Variants in ZNF398 observed in about 807,000 individuals in gnomAD.
ZNF398 encodes zinc finger DNA binding protein ZER6.
In ZNF398, 18 loss-of-function variants were observed where a neutral mutation model predicts 41.9. That is an observed-to-expected ratio of 0.43 (90% CI 0.30 to 0.64). ZNF398 has a LOEUF of 0.64. ZNF398 is among the 30% of genes least tolerant of loss of function. The pLI is 0.14. For missense variants in ZNF398, 669 were observed against 822.8 expected, an observed-to-expected ratio of 0.81 and a Z score of 2.29; for synonymous variants, 260 against 308.8, an observed-to-expected ratio of 0.84 and a Z score of 1.66.
chr7:149,148,796 G>T (rs1377130560), intron 1 of ZNF398, among the ~76,000 whole-genome samples: 1 of 148,558 alleles, frequency 6.7e-6, no homozygotes, highest in Non-Finnish European at 1.5e-5. Context: ...CTTTAAATGC[G>T]GCCCAACACA....
In ZNF398 at chr7:149,179,673, T is replaced by A; in HGVS notation, c.1801T>A (p.Ser601Thr). Residue 601 changes from serine to threonine, a missense_variant, in exon 6 of 6, where the codon TCA becomes ACA. Ser to Thr is a moderately conservative substitution (Grantham distance 58). This residue lies in a region of ZNF398 where 210 missense variants were observed against 290.4 expected (regional missense o/e 0.72). Coordinates refer to ENST00000475153, the MANE Select transcript of ZNF398 (RefSeq NM_170686.3). The surrounding 1 kb of genome is among the most constrained non-coding windows in gnomAD (Gnocchi z 6.1). ...AGGCTGTGGGGGTGATAGTGACCCA[T>A]CAGGTCAGCCACCCAACCCACCAGG... ...NGGCGGDSDPSGQPPNPPGPL... is the reference protein window; with the variant it reads ...NGGCGGDSDPTGQPPNPPGPL... 6.2e-7 allele frequency: 1 copy of A among 1,614,188 alleles called. No homozygotes were observed. Among genetic ancestry groups the A allele is most frequent in the Non-Finnish European group, 8.5e-7 (1 of 1,180,038 alleles).
chr7:149,142,904 A>G (rs1826858065), upstream of ZNF398, among the ~76,000 whole-genome samples: 1 of 152,202 alleles, frequency 6.6e-6, no homozygotes, highest in African/African-American at 2.4e-5. Flanking sequence ...AGTAAAGGCT[A>G]TGAGCACAAG....
In ZNF398 at chr7:149,182,297, C is replaced by T. The variant is rs998548295; in HGVS notation, c.*2496C>T. 3.9e-5 allele frequency: 6 copies of T among 152,192 alleles called. No homozygotes were observed. The highest frequency in any genetic ancestry group is 1.3e-4 in the Admixed American group (2 of 15,264). The allele number at this position is 152,192 out of a possible 1,614,324, so 9.4% of individuals were successfully genotyped here. A position where few individuals can be genotyped will look rare whatever the true frequency, so the allele number is the denominator to read the frequency against. On this transcript the variant is annotated 3_prime_UTR_variant, in exon 6 of 6. Coordinates refer to ENST00000475153, the MANE Select transcript of ZNF398 (RefSeq NM_170686.3). ...CATCCCAGAGAGACGGAAGCAGGTG[C>T]GATACTAAGCCTCAGCCCAAGAATA...
At chr7:149,178,529 G>A in intron 5 of ZNF398, 119 bp from the exon 6 acceptor site, 1 of 789,974 alleles carries the variant, frequency 1.3e-6, no homozygotes, top group Non-Finnish European at 2.1e-6. Context: ...TATTATTGCA[G>A]CCTTCTGCTG....
At chr7:149,155,443 C>T (rs142539901) in intron 2 of ZNF398, among the ~76,000 whole-genome samples, 45 of 152,094 alleles carry the variant, frequency 3.0e-4, no homozygotes, top group Admixed American at 9.2e-4. Flanking sequence ...AAAGAAGAAT[C>T]ACCTGGTAGG....
chr7:149,155,730 A>ATTTTTTT (rs148643688), intron 2 of ZNF398, among the ~76,000 whole-genome samples: 2 of 92,392 alleles, frequency 2.2e-5, no homozygotes, highest in African/African-American at 8.5e-5. Context: ...TTTTTTTTTT[A>ATTTTTTT]ATTTTTTTTT....
rs116863926 is a variant in ZNF398 at position 149,179,644 on chromosome 7, A to G, written c.1772A>G (p.Asn591Ser). The G allele has an allele frequency of 6.1e-5, 99 of 1,614,188 alleles. No homozygotes were observed. Among genetic ancestry groups the G allele is most frequent in the Middle Eastern group, 3.3e-4 (2 of 6,062 alleles). The change falls in exon 6 of 6, where the codon AAT becomes AGT. Residue 591 changes from asparagine to serine, a missense_variant. Physicochemically the swap from Asn to Ser is conservative, Grantham distance 46. This residue lies in a region of ZNF398 where 210 missense variants were observed against 290.4 expected (regional missense o/e 0.72). Transcript: ENST00000475153. The surrounding 1 kb of genome is among the most constrained non-coding windows in gnomAD (Gnocchi z 6.1). Reference protein sequence around the residue: ...TLKDHLRSGHNGGCGGDSDPS... With the variant: ...TLKDHLRSGHSGGCGGDSDPS... The stretch of plus-strand genomic sequence containing the variant: ...AAGGACCACCTCCGTTCAGGCCACA[A>G]TGGAGGCTGTGGGGGTGATAGTGAC...
At chr7:149,168,185 TCTCTGG>T (rs1299301672) in intron 4 of ZNF398, among the ~76,000 whole-genome samples, 3 of 151,884 alleles carry the variant, frequency 2.0e-5, no homozygotes, top group African/African-American at 7.3e-5. Flanking sequence ...TTAAAGTGAT[TCTCTGG>T]CTCAGCCTCC....
chr7:149,159,012 C>T (rs1795042417), intron 2 of ZNF398, among the ~76,000 whole-genome samples: 2 of 150,614 alleles, frequency 1.3e-5, no homozygotes, highest in South Asian at 4.2e-4. Context: ...ATGGAGTCTC[C>T]CTCTTGCTCA....
intron 1 of ZNF398, chr7:149,148,188 G>A (rs1827008044): frequency 5.6e-6 from 1 of 178,526 alleles, no homozygotes. Flanking sequence ...TTAAGTGTGC[G>A]GAGGCGCATT....
upstream of ZNF398, among the ~76,000 whole-genome samples, chr7:149,143,681 G>A (rs943244120): frequency 1.3e-5 from 2 of 152,090 alleles, no homozygotes; most frequent in African/African-American, 4.8e-5. Context: ...CCATGGTGGC[G>A]CATGCCTGTA....
At chr7:149,164,082 A>T (rs534848207) in intron 2 of ZNF398, among the ~76,000 whole-genome samples, 3 of 151,998 alleles carry the variant, frequency 2.0e-5, no homozygotes, top group Admixed American at 6.6e-5. Flanking sequence ...ACTGCACTCC[A>T]GCCTGGGTGA....
At chr7:149,130,913 G>A (rs1324870746) in intron 2 of ZNF398, among the ~76,000 whole-genome samples, 1 of 152,148 alleles carries the variant, frequency 6.6e-6, no homozygotes, top group Non-Finnish European at 1.5e-5. Context: ...AACATGAATT[G>A]GTTAGGGGTA....
At chr7:149,146,173 A>C (rs1205806242), upstream of ZNF398, among the ~76,000 whole-genome samples, 1 of 151,010 alleles carries the variant, frequency 6.6e-6, no homozygotes, top group Admixed American at 6.6e-5. Flanking sequence ...TCTGGAACTC[A>C]GGTGATCTGC....
rs1214522696 is a variant in ZNF398 at position 149,166,915 on chromosome 7, A to G, written c.646A>G (p.Thr216Ala). Residue 216 changes from threonine (T) to alanine (A), a missense_variant, in exon 4 of 6, where the codon ACA (threonine) becomes GCA (alanine). Physicochemically the swap from Thr to Ala is moderately conservative, Grantham distance 58. This residue lies in a region of ZNF398 where 290 missense variants were observed against 292.9 expected (regional missense o/e 0.99). Transcript: ENST00000475153. ...AGGGCCAGAGGAAAGTGAGATTCCC[A>G]CAGACCCCAGTGAAGGTAAGTGGGA... ...QAGPEESEIP[T>A]DPSEEPGIST... 1 of 1,610,992 alleles carries G rather than the reference A, an allele frequency of 6.2e-7. No individual in the cohort carries two copies. The highest frequency in any genetic ancestry group is 8.5e-7 in the Non-Finnish European group (1 of 1,178,012).
intron 2 of ZNF398, among the ~76,000 whole-genome samples, chr7:149,160,076 AATTAGCTG>A (rs60876643): frequency 0.86 from 130,548 of 151,566 alleles, 56,363 homozygotes; most frequent in Middle Eastern, 0.95. Context: ...AAAGGAGGAT[AATTAGCTG>A]ATTAGCATAT....
chr7:149,178,232 C>T (rs1795508151), intron 5 of ZNF398, among the ~76,000 whole-genome samples: 1 of 151,658 alleles, frequency 6.6e-6, no homozygotes, highest in South Asian at 2.1e-4. Flanking sequence ...GCGGAGCTTG[C>T]ATTGAGCCGA....
At chr7:149,131,388 T>C (rs1021840338) in intron 2 of ZNF398, among the ~76,000 whole-genome samples, 4 of 152,186 alleles carry the variant, frequency 2.6e-5, no homozygotes, top group African/African-American at 9.7e-5. Flanking sequence ...TGGGCAATTC[T>C]TTTAACATAT....
chr7:149,156,278 G>A (rs999053810), intron 2 of ZNF398, among the ~76,000 whole-genome samples: 2 of 150,518 alleles, frequency 1.3e-5, no homozygotes, highest in Non-Finnish European at 3.0e-5. Context: ...AGGTTGAGGC[G>A]GGCGGATCAT....
Sources: allele counts gnomAD v4.1 joint callset (sites outside exome capture counted in the v4.1 genomes callset), GRCh38; gene constraint gnomAD v4.1.1; regional missense constraint gnomAD v4.1.1; non-coding constraint Gnocchi (gnomAD v3.1); transcripts MANE v1.5; gene names NCBI Gene and HGNC (gene_info 2026-07-23, HGNC 2026-07-21).